Variants in CHD6 observed in about 807,000 individuals in gnomAD.
The protein encoded by CHD6 is chromodomain helicase DNA binding protein 6.
CHD6 carries 50 observed loss-of-function variants against 276.9 expected under a neutral mutation model. The observed-to-expected ratio is 0.18, with a 90% CI of 0.14 to 0.23. CHD6 has a LOEUF of 0.23. Ranked by LOEUF, CHD6 falls within the 10% of genes least tolerant of loss-of-function variation. The pLI, the probability that CHD6 is intolerant of heterozygous loss-of-function variation, is 1.00. For synonymous variants in CHD6, 1,173 were observed against 1,229.3 expected, an observed-to-expected ratio of 0.95 and a Z score of 0.96; for missense variants, 2,564 against 3,365.8, an observed-to-expected ratio of 0.76 and a Z score of 5.89.
chr20:41,512,033 T>C (rs2044130731), intron 5 of CHD6, among the ~76,000 whole-genome samples: 1 of 152,154 alleles, frequency 6.6e-6, no homozygotes. Context: ...AATGACGCGA[T>C]CTTGGCTCAC....
chr20:41,498,739 A>C (rs1234596832), intron 6 of CHD6, among the ~76,000 whole-genome samples: 1 of 151,794 alleles, frequency 6.6e-6, no homozygotes, highest in African/African-American at 2.4e-5. Flanking sequence ...GAAGAAAAAA[A>C]CCCCCACGTT....
In CHD6 at chr20:41,551,303, A is replaced by G; in HGVS notation, c.33+2T>C. On this transcript the variant is annotated splice_donor_variant, in intron 2 of 36. Transcript: ENST00000373233. LOFTEE classifies it high-confidence loss of function. ...TCACTTAAAAGAAAAGTGATCACTTACCTGCTTCTCTTTTTTCTGTATTTT... is the reference window on the plus strand; with the variant it reads ...TCACTTAAAAGAAAAGTGATCACTTGCCTGCTTCTCTTTTTTCTGTATTTT... 1.4e-6 allele frequency: 2 copies of G among 1,480,506 alleles called. No homozygotes were observed. The highest frequency in any genetic ancestry group is 1.9e-6 in the Non-Finnish European group (2 of 1,067,770). The allele number at this position is 1,480,506 out of a possible 1,614,324, so 91.7% of individuals were successfully genotyped here.
chr20:41,420,447 C>T, intron 31 of CHD6, 61 bp downstream of exon 31: 1 of 1,521,004 alleles, frequency 6.6e-7, no homozygotes. Context: ...CCCTAAAACC[C>T]AACCCCCCGT....
chr20:41,607,688 A>C (rs1419026300), intron 1 of CHD6, among the ~76,000 whole-genome samples: 1 of 151,944 alleles, frequency 6.6e-6, no homozygotes, highest in African/African-American at 2.4e-5. Flanking sequence ...CATGGAAGGA[A>C]AATATCTGGA....
intron 1 of CHD6, among the ~76,000 whole-genome samples, chr20:41,556,633 T>A (rs181107559): frequency 3.9e-5 from 6 of 152,098 alleles, no homozygotes; most frequent in Non-Finnish European, 7.4e-5. Flanking sequence ...GTAGAGTAAC[T>A]GTCTAGTTCA....
At chr20:41,454,421 C>T (rs1463694950) in intron 20 of CHD6, among the ~76,000 whole-genome samples, 1 of 152,110 alleles carries the variant, frequency 6.6e-6, no homozygotes, top group African/African-American at 2.4e-5. Flanking sequence ...TCCCAGGTGC[C>T]CAACAGACTG....
At chr20:41,489,253 TTA>T (rs2043492152) in intron 12 of CHD6, among the ~76,000 whole-genome samples, 1 of 152,202 alleles carries the variant, frequency 6.6e-6, no homozygotes, top group Non-Finnish European at 1.5e-5. Context: ...TTTACCTTAA[TTA>T]TAAAAACCAA....
chr20:41,560,970 A>T (rs1313981565), intron 1 of CHD6, among the ~76,000 whole-genome samples: 2 of 152,156 alleles, frequency 1.3e-5, no homozygotes, highest in African/African-American at 4.8e-5. Flanking sequence ...TACTGCTATT[A>T]GATTTTCTTT....
At position 41,440,073 on chromosome 20, in the gene CHD6, C is replaced by T; in HGVS notation, c.3934G>A (p.Val1312Ile). 2.5e-6 allele frequency: 4 copies of T among 1,614,066 alleles called. No homozygotes were observed. Among genetic ancestry groups the T allele is most frequent in the Non-Finnish European group, 3.4e-6 (4 of 1,179,902 alleles). The change falls in exon 26 of 37, where the codon GTT becomes ATT. Residue 1312 changes from valine to isoleucine, a missense_variant. Coordinates refer to ENST00000373233, the MANE Select transcript of CHD6 (RefSeq NM_032221.5). Reference sequence around the variant, plus strand: ...AGGGACTTCTCATCGGGCATCCCAACTTTCTCCAGGAAGCAAAGTGCTGGG... The same window carrying T: ...AGGGACTTCTCATCGGGCATCCCAATTTTCTCCAGGAAGCAAAGTGCTGGG... Reference protein sequence around the residue: ...ADPALCFLEKVGMPDEKSLSA... With the variant: ...ADPALCFLEKIGMPDEKSLSA...
intron 3 of CHD6, among the ~76,000 whole-genome samples, chr20:41,522,148 C>A (rs1417242522): frequency 6.6e-6 from 1 of 152,030 alleles, no homozygotes; most frequent in Non-Finnish European, 1.5e-5. Context: ...TGAGACCAGA[C>A]TGGCAGCATA....
chr20:41,539,384 G>A (rs1193333965), intron 2 of CHD6, among the ~76,000 whole-genome samples: 2 of 152,262 alleles, frequency 1.3e-5, no homozygotes, highest in Non-Finnish European at 2.9e-5. Context: ...GGTTATCTTG[G>A]TAGGAATAAA....
rs536675873 is a variant in CHD6 at position 41,492,067 on chromosome 20, T to C, written c.1315-248A>G. On this transcript the variant is annotated intron_variant, in intron 10 of 36. Coordinates refer to ENST00000373233, the MANE Select transcript of CHD6 (RefSeq NM_032221.5). ...TCAGAATGAAACTCTCCCTGCTTTC[T>C]ATCTGGTCCGTCACTGCATTACACC... Among the ~76,000 whole-genome samples, 105 of 152,334 alleles carry C rather than the reference T, an allele frequency of 6.9e-4. 1 individual carries two copies. The South Asian group carries it at 0.012, about 17-fold the overall frequency.
chr20:41,568,035 C>T (rs2045378598), intron 1 of CHD6, among the ~76,000 whole-genome samples: 2 of 152,242 alleles, frequency 1.3e-5, no homozygotes, highest in South Asian at 4.1e-4. Context: ...AGTAAAAAAG[C>T]AAGGCTGTAG....
At chr20:41,585,218 G>C (rs1301818028) in intron 1 of CHD6, among the ~76,000 whole-genome samples, 3 of 152,126 alleles carry the variant, frequency 2.0e-5, no homozygotes, top group Non-Finnish European at 4.4e-5. Flanking sequence ...AGAAGATATA[G>C]AGTAGCCAGG....
chr20:41,550,379 G>C (rs2045126446), intron 2 of CHD6, among the ~76,000 whole-genome samples: 1 of 152,166 alleles, frequency 6.6e-6, no homozygotes, highest in Non-Finnish European at 1.5e-5. Context: ...GCAGTATTTA[G>C]TCACTGCTCT....
Position 41,404,850 on chromosome 20 carries a change from C to T in CHD6, c.7891G>A (p.Gly2631Ser). 6.2e-7 allele frequency: 1 copy of T among 1,614,064 alleles called. No homozygotes were observed. The change falls in exon 37 of 37, where the codon GGT becomes AGT. Residue 2631 changes from glycine (G) to serine (S), a missense_variant. Transcript: ENST00000373233. ...ATGGCTGGCAGAGCCATGCCCATAC[C>T]AGGGGAGAGGAACATGGATGGGTAA... ...LIYPSMFLSPGMGMALPAMQQ... is the reference protein window; with the variant it reads ...LIYPSMFLSPSMGMALPAMQQ...
chr20:41,615,170 C>T (rs2045923043), intron 1 of CHD6, among the ~76,000 whole-genome samples: 1 of 152,170 alleles, frequency 6.6e-6, no homozygotes, highest in Admixed American at 6.5e-5. Context: ...GCTTTATGGC[C>T]TTTAATAAAT....
At chr20:41,527,703 T>C (rs564016525) in intron 3 of CHD6, among the ~76,000 whole-genome samples, 5 of 152,328 alleles carry the variant, frequency 3.3e-5, no homozygotes, top group Non-Finnish European at 5.9e-5. Flanking sequence ...AAAACTGTTG[T>C]TGAGCACAGA....
Position 41,566,780 on chromosome 20 carries a change from C to T in CHD6, c.-23-15420G>A, listed in dbSNP as rs1350714311. On this transcript the variant is annotated intron_variant, in intron 1 of 36. Transcript: ENST00000373233. Reference sequence around the variant, plus strand: ...CTGGGTGGTGTGTGGTGTCTCCTCCCGCAGGCTATGAGTGTACGTGAACAA... The same window carrying T: ...CTGGGTGGTGTGTGGTGTCTCCTCCTGCAGGCTATGAGTGTACGTGAACAA... 2.6e-5 allele frequency among the ~76,000 whole-genome samples: 4 copies of T among 152,108 alleles called. No individual in the cohort carries two copies. The East Asian group carries it at 5.8e-4, about 22-fold the overall frequency.
Sources: allele counts gnomAD v4.1 joint callset (sites outside exome capture counted in the v4.1 genomes callset), GRCh38; gene constraint gnomAD v4.1.1; transcripts MANE v1.5; gene names NCBI Gene and HGNC (gene_info 2026-07-23, HGNC 2026-07-21).